Variants in CDC42SE2 observed in about 807,000 individuals in gnomAD.
CDC42SE2 encodes the protein CDC42 small effector 2.
CDC42SE2 carries 3 observed loss-of-function variants against 11.5 expected under a neutral mutation model. The ratio of observed to expected loss-of-function variants is 0.26; its 90% CI spans 0.12 to 0.67. The LOEUF (loss-of-function observed/expected upper bound fraction) is 0.67. Among genes scored for constraint, CDC42SE2 ranks in the 30% least tolerant of loss-of-function variants. The pLI, the probability that CDC42SE2 is intolerant of heterozygous loss-of-function variation, is 0.80. For synonymous variants in CDC42SE2, 33 were observed against 34.8 expected (o/e 0.95, Z 0.18); for missense variants, 82 against 106.8 (o/e 0.77, Z 1.02).
intron 2 of CDC42SE2, among the ~76,000 whole-genome samples, chr5:131,346,719 C>CATG (rs1214854678): frequency 2.6e-5 from 4 of 152,198 alleles, no homozygotes; most frequent in Admixed American, 2.0e-4. Context: ...AGCACCACAT[C>CATG]ACACTTACTC....
chr5:131,303,433 G>T (rs1480111271), intron 1 of CDC42SE2, among the ~76,000 whole-genome samples: 6 of 152,214 alleles, frequency 3.9e-5, no homozygotes, highest in African/African-American at 1.4e-4. Context: ...AGGAAAAGTG[G>T]AAAGTACTCA....
chr5:131,347,145 A>T (rs1373556568), intron 2 of CDC42SE2, among the ~76,000 whole-genome samples: 1 of 152,206 alleles, frequency 6.6e-6, no homozygotes, highest in Non-Finnish European at 1.5e-5. Context: ...AATAACTAAG[A>T]TCAGAGCTGA....
intron 1 of CDC42SE2, among the ~76,000 whole-genome samples, chr5:131,287,840 G>A (rs1757373193): frequency 6.6e-6 from 1 of 152,070 alleles, no homozygotes; most frequent in Admixed American, 6.5e-5. Context: ...AGATGTAAAA[G>A]TCTCCATACT....
At chr5:131,290,394 T>G (rs185475853) in intron 1 of CDC42SE2, among the ~76,000 whole-genome samples, 18 of 152,316 alleles carry the variant, frequency 1.2e-4, no homozygotes, top group Non-Finnish European at 2.2e-4. Flanking sequence ...ATTTATCTTT[T>G]GAAGTAAATT....
At chr5:131,351,569 A>G (rs1759012528) in intron 2 of CDC42SE2, among the ~76,000 whole-genome samples, 1 of 152,220 alleles carries the variant, frequency 6.6e-6, no homozygotes, top group Non-Finnish European at 1.5e-5. Flanking sequence ...CCTGATTTTC[A>G]ATAAAGGTGC....
chr5:131,304,472 A>G (rs992390511), intron 1 of CDC42SE2, among the ~76,000 whole-genome samples: 2 of 152,230 alleles, frequency 1.3e-5, no homozygotes, highest in African/African-American at 4.8e-5. Flanking sequence ...TCTAAGCAGA[A>G]TATGAAGTCC....
At chr5:131,265,518 A>G (rs1293095999) in intron 1 of CDC42SE2, among the ~76,000 whole-genome samples, 1 of 152,202 alleles carries the variant, frequency 6.6e-6, no homozygotes, top group Non-Finnish European at 1.5e-5. Context: ...ATATTCATTA[A>G]GCACCTGTTT....
chr5:131,336,633 C>T (rs1282048371), intron 2 of CDC42SE2, among the ~76,000 whole-genome samples: 1 of 152,184 alleles, frequency 6.6e-6, no homozygotes, highest in Non-Finnish European at 1.5e-5. Flanking sequence ...TTGGTCTTTT[C>T]ACATAGTCCC....
chr5:131,212,169 G>A, the CDC42SE2 span, among the ~76,000 whole-genome samples: 37,543 of 151,622 alleles, frequency 0.25, 6,136 homozygotes, highest in African/African-American at 0.47. Context: ...GTGCAGTGGC[G>A]CGATCTTGGC....
chr5:131,292,077 A>C (rs1055636614), intron 1 of CDC42SE2, among the ~76,000 whole-genome samples: 1 of 151,724 alleles, frequency 6.6e-6, no homozygotes, highest in African/African-American at 2.4e-5. Flanking sequence ...CCCCATCTCT[A>C]CTAAATAAAA....
rs1284041688 is a variant in CDC42SE2, at chr5:131,391,798, AAAT to A, written c.*711_*713del. 6.6e-6 allele frequency: 1 copy of A among 151,658 alleles called. No individual in the cohort carries two copies. The highest frequency in any genetic ancestry group is 2.4e-5 in the African/African-American group (1 of 40,850). The allele number at this position is 151,658 out of a possible 1,614,324, so 9.4% of individuals were successfully genotyped here. ...AAAAGGATAAACCCTGAAAATGTAG[AAAT>A]AATTTCAAGTTTTTTTTTGTTTTAT... On this transcript the variant is annotated 3_prime_UTR_variant, in exon 5 of 5. Transcript: ENST00000505065.
intron 1 of CDC42SE2, among the ~76,000 whole-genome samples, chr5:131,278,073 A>G (rs1757140620): frequency 6.6e-6 from 1 of 152,088 alleles, no homozygotes; most frequent in Admixed American, 6.5e-5. Flanking sequence ...GACTCACTGC[A>G]GCCTTTGGTC....
At position 131,312,601 on chromosome 5, in the gene CDC42SE2, G is replaced by A. The variant is rs191356209; in HGVS notation, c.-454-3375G>A. 1.7e-3 allele frequency among the ~76,000 whole-genome samples: 259 copies of A among 152,294 alleles called. 3 individuals carry two copies. Among genetic ancestry groups the A allele is most frequent in the Non-Finnish European group, 1.2e-3 (80 of 68,026 alleles). On this transcript the variant is annotated intron_variant, in intron 1 of 4. Coordinates refer to ENST00000505065, the MANE Select transcript of CDC42SE2 (RefSeq NM_001375635.1). Reference sequence around the variant, plus strand: ...GCTAGCAATCAGCGATACTCCGTGGGCGTAGGACCCTCCGAGCCAGGCGCG... The same window carrying A: ...GCTAGCAATCAGCGATACTCCGTGGACGTAGGACCCTCCGAGCCAGGCGCG...
intron 1 of CDC42SE2, among the ~76,000 whole-genome samples, chr5:131,250,097 C>A (rs570504524): frequency 2.6e-5 from 4 of 152,266 alleles, no homozygotes; most frequent in Admixed American, 2.6e-4. Flanking sequence ...TTCATATACC[C>A]TATGAGTCAA....
At chr5:131,278,723 TC>T (rs1332729919) in intron 1 of CDC42SE2, among the ~76,000 whole-genome samples, 118 of 8,932 alleles carry the variant, frequency 0.013, no homozygotes, top group Non-Finnish European at 0.018. Flanking sequence ...TCCCCTCCCC[TC>T]CCCCCTCCCC....
chr5:131,348,093 G>T (rs770678370), intron 2 of CDC42SE2, among the ~76,000 whole-genome samples: 7 of 152,150 alleles, frequency 4.6e-5, no homozygotes, highest in Non-Finnish European at 8.8e-5. Context: ...ACAAGACAGG[G>T]ATGTCCTCTC....
chr5:131,292,906 CAAAAAAAAAAAA>C (rs869300653), intron 1 of CDC42SE2, among the ~76,000 whole-genome samples: 6 of 58,914 alleles, frequency 1.0e-4, no homozygotes, highest in South Asian at 6.6e-4. Context: ...GACCCTGTCT[CAAAAAAAAAAAA>C]AAAAAAAAAA....
At chr5:131,388,838 T>C (rs957448991) in intron 4 of CDC42SE2, among the ~76,000 whole-genome samples, 2 of 152,004 alleles carry the variant, frequency 1.3e-5, no homozygotes, top group Non-Finnish European at 2.9e-5. Flanking sequence ...CAAACAAAGA[T>C]TTTGTGTTTG....
chr5:131,349,403 C>T (rs867353213), intron 2 of CDC42SE2, among the ~76,000 whole-genome samples: 26 of 151,956 alleles, frequency 1.7e-4, no homozygotes, highest in African/African-American at 5.8e-4. Context: ...GATGAGTTAA[C>T]GAGTGCAGCA....
Sources: allele counts gnomAD v4.1 joint callset (sites outside exome capture counted in the v4.1 genomes callset), GRCh38; gene constraint gnomAD v4.1.1; transcripts MANE v1.5; gene names NCBI Gene and HGNC (gene_info 2026-07-23, HGNC 2026-07-21).